BICRA: variants seen among roughly 807,000 people sequenced by gnomAD.
BICRA encodes BRD4-interacting chromatin-remodeling complex-associated protein.
Under a neutral mutation model 96.9 loss-of-function variants are expected in BICRA, and 31 were observed. That is an observed-to-expected ratio of 0.32 (90% CI 0.24 to 0.43). The LOEUF is 0.43. Ranked by LOEUF, BICRA falls within the 20% of genes least tolerant of loss-of-function variation. The probability of loss-of-function intolerance (pLI) is 1.00; values close to 1 mark genes in which losing one functional copy is unlikely to be tolerated. For synonymous variants in BICRA, 1,350 were observed against 1,071.8 expected (o/e 1.26, Z -5.07); for missense variants, 2,283 against 2,190.3 (o/e 1.04, Z -0.84).
At chr19:47,674,487 A>G (rs777787025) in intron 4 of BICRA, among the ~76,000 whole-genome samples, 7 of 152,168 alleles carry the variant, frequency 4.6e-5, no homozygotes, top group Non-Finnish European at 5.9e-5. Flanking sequence ...ATTAGTATCT[A>G]TGGCTGTGTA....
At position 47,680,325 on chromosome 19, in the gene BICRA, G is replaced by A. The variant is rs1370952863; in HGVS notation, c.1155G>A (p.Gly385=). The A allele has an allele frequency of 1.9e-6, 3 of 1,539,104 alleles. No homozygotes were observed. Among genetic ancestry groups the A allele is most frequent in the Non-Finnish European group, 8.7e-7 (1 of 1,149,714 alleles). The change falls in exon 6 of 15, where the codon GGG becomes GGA. Residue 385 remains glycine, a synonymous_variant. Transcript: ENST00000594866. ...CGCTCACCATCCAGGGCGAGCCGGG[G>A]GCGCTCCCGCAGCAGCCCAAGGCCC... ...GATLTIQGEP[G]ALPQQPKAPQ... is the part of the protein sequence containing the mutation.
intron 9 of BICRA, 46 bp from the exon 10 acceptor site, chr19:47,695,319 A>G: frequency 1.2e-6 from 1 of 813,006 alleles, no homozygotes; most frequent in South Asian, 1.5e-5. Context: ...GGGGGCCTTC[A>G]TGCAGTGACC....
At position 47,652,403 on chromosome 19, in the gene BICRA, G is replaced by T. The variant is rs1972553629; in HGVS notation, c.-107-18040G>T. ...AGGGTCTCACTATGCTGCCCAGGCT[G>T]GTCTCAAACTCCTGGGCCCAAGTGA... is the stretch of plus-strand genomic sequence containing the variant. On this transcript the variant is annotated intron_variant, in intron 1 of 14. Transcript: ENST00000594866. Among the ~76,000 whole-genome samples, 3 of 152,242 alleles carry T rather than the reference G, an allele frequency of 2.0e-5. No homozygotes were observed. The South Asian group carries it at 6.2e-4, about 32-fold the overall frequency.
intron 7 of BICRA, among the ~76,000 whole-genome samples, chr19:47,685,485 G>A (rs139994722): frequency 0.018 from 2,694 of 152,280 alleles, 35 homozygotes; most frequent in Non-Finnish European, 0.029. Context: ...CAGATGGATG[G>A]CTGAATAGAC....
intron 1 of BICRA, among the ~76,000 whole-genome samples, chr19:47,626,783 G>A (rs1298100101): frequency 2.1e-5 from 3 of 144,364 alleles, no homozygotes; most frequent in East Asian, 2.0e-4. Flanking sequence ...GTGCAATGGC[G>A]TGATCTCAGC....
Position 47,679,991 on chromosome 19 carries a change from C to T in BICRA, c.821C>T (p.Thr274Met). The T allele has an allele frequency of 3.4e-6, 5 of 1,482,788 alleles. No homozygotes were observed. Among genetic ancestry groups the T allele is most frequent in the Non-Finnish European group, 4.4e-6 (5 of 1,126,070 alleles). 91.9% of individuals were successfully genotyped at this position (1,482,788 alleles called of 1,614,324 possible). The change falls in exon 6 of 15, where the codon ACG becomes ATG. Residue 274 changes from threonine to methionine, a missense_variant. Coordinates refer to ENST00000594866, the MANE Select transcript of BICRA (RefSeq NM_001394372.1). The stretch of plus-strand genomic sequence containing the variant: ...GCGGCTGGCCCCTCGGAGCCCGTGA[C>T]GCTGGCGTCGGCCGGTGTCTCGCCA... Reference protein sequence around the residue: ...ASAAGPSEPVTLASAGVSPQG... With the variant: ...ASAAGPSEPVMLASAGVSPQG...
At position 47,679,593 on chromosome 19, in the gene BICRA, A is replaced by C. The variant is rs1972995911; in HGVS notation, c.423A>C (p.Ala141=). The C allele has an allele frequency of 6.5e-7, 1 of 1,535,270 alleles. No homozygotes were observed. The highest frequency in any genetic ancestry group is 8.8e-7 in the Non-Finnish European group (1 of 1,140,594). ...LPTLQPADGG[A]GPTGAGGAAA... ...CCCTGCAGCCTGCGGATGGCGGGGC[A>C]GGCCCGACGGGCGCTGGAGGGGCAG... The change falls in exon 6 of 15, where the codon GCA becomes GCC. Residue 141 remains alanine, a synonymous_variant. Transcript: ENST00000594866.
chr19:47,650,982 C>G (rs1469987230), intron 1 of BICRA, among the ~76,000 whole-genome samples: 2 of 152,284 alleles, frequency 1.3e-5, no homozygotes, highest in East Asian at 1.9e-4. Flanking sequence ...CTCTGCTGTT[C>G]CCTTACACTC....
At chr19:47,667,726 C>G (rs1314975389) in intron 1 of BICRA, among the ~76,000 whole-genome samples, 1 of 152,164 alleles carries the variant, frequency 6.6e-6, no homozygotes, top group Admixed American at 6.6e-5. Flanking sequence ...CCTTCCATGC[C>G]AGTCCCTTTA....
rs1007232254 is a variant in BICRA at position 47,673,498 on chromosome 19, G to T, written c.-5-72G>T. 6 of 1,234,040 alleles carry T rather than the reference G, an allele frequency of 4.9e-6. No individual in the cohort carries two copies. In the African/African-American group the frequency reaches 8.8e-5, roughly 18 times the overall value. The allele number at this position is 1,234,040 out of a possible 1,614,324, so 76.4% of individuals were successfully genotyped here. ...CCCCCTCCAGGGGGCTCCCCTGAAG[G>T]GAGGGGGCCAGGCAAGCTGCCAAAA... On this transcript the variant is annotated intron_variant, in intron 2 of 14. Coordinates refer to ENST00000594866, the MANE Select transcript of BICRA (RefSeq NM_001394372.1).
intron 1 of BICRA, among the ~76,000 whole-genome samples, chr19:47,610,608 A>ACCCCCCCCCC (rs35080234): frequency 7.4e-6 from 1 of 135,016 alleles, no homozygotes; most frequent in Non-Finnish European, 1.6e-5. Flanking sequence ...CCCTTTTGTC[A>ACCCCCCCCCC]CCCCCCCCCC....
chr19:47,673,492 C>A, intron 2 of BICRA, 78 bp from the exon 3 acceptor site: 1 of 1,191,806 alleles, frequency 8.4e-7, no homozygotes, highest in Non-Finnish European at 1.3e-6. Context: ...GGGGGCTCCC[C>A]TGAAGGGAGG....
Position 47,701,387 on chromosome 19 carries a change from C to T in BICRA, c.3655C>T (p.His1219Tyr). 6.2e-7 allele frequency: 1 copy of T among 1,608,698 alleles called. No homozygotes were observed. Among genetic ancestry groups the T allele is most frequent in the South Asian group, 1.1e-5 (1 of 90,298 alleles). Residue 1219 changes from histidine (H) to tyrosine (Y), a missense_variant, in exon 15 of 15, where the codon CAT becomes TAT. Physicochemically the swap from His to Tyr is moderately conservative, Grantham distance 83. Transcript: ENST00000594866. The surrounding 1 kb of genome is among the most constrained non-coding windows in gnomAD (Gnocchi z 5.4). ...GLPIAASSEG[H>Y]RLPGHGPLSS... The stretch of plus-strand genomic sequence containing the variant: ...CCCCATCGCAGCCTCTTCCGAGGGT[C>T]ATCGGCTTCCCGGCCACGGCCCCCT...
chr19:47,648,871 A>AGGC (rs1359921799), intron 1 of BICRA, among the ~76,000 whole-genome samples: 2 of 133,906 alleles, frequency 1.5e-5, no homozygotes, highest in Non-Finnish European at 3.2e-5. Flanking sequence ...TTTTTTTTTG[A>AGGC]GGCGGAGTCT....
intron 7 of BICRA, among the ~76,000 whole-genome samples, 194 bp from the exon 8 acceptor site, chr19:47,693,921 G>A (rs1428712721): frequency 6.6e-6 from 1 of 152,158 alleles, no homozygotes; most frequent in Non-Finnish European, 1.5e-5. Flanking sequence ...TCGAGGGCAG[G>A]TGGAGGGGGT....
rs376366227 is a variant in BICRA, at chr19:47,702,229, G to A, written c.4497G>A (p.Glu1499=). 8 of 1,599,192 alleles carry A rather than the reference G, an allele frequency of 5.0e-6. No homozygotes were observed. In the African/African-American group the frequency reaches 1.1e-4, roughly 22 times the overall value. ...SDSPQDDTLT[E]HLQSAIDSIL... The stretch of plus-strand genomic sequence containing the variant: ...GCCCGCAGGATGACACGCTCACCGA[G>A]CACCTGCAGAGCGCCATCGACAGCA... Residue 1499 remains glutamate, a synonymous_variant, in exon 15 of 15, where the codon GAG becomes GAA. Coordinates refer to ENST00000594866, the MANE Select transcript of BICRA (RefSeq NM_001394372.1).
At chr19:47,632,899 C>T (rs543092167) in intron 1 of BICRA, among the ~76,000 whole-genome samples, 2 of 152,022 alleles carry the variant, frequency 1.3e-5, no homozygotes, top group Admixed American at 6.6e-5. Context: ...CTCTGTTAGA[C>T]GAGGTTAAAT....
At chr19:47,690,842 T>C (rs908345385) in intron 7 of BICRA, among the ~76,000 whole-genome samples, 1 of 151,988 alleles carries the variant, frequency 6.6e-6, no homozygotes, top group Non-Finnish European at 1.5e-5. Flanking sequence ...TGAAATTAAA[T>C]TTTTTTAATT....
chr19:47,695,958 G>C (rs1218970994), intron 10 of BICRA, among the ~76,000 whole-genome samples: 1 of 152,062 alleles, frequency 6.6e-6, no homozygotes, highest in Non-Finnish European at 1.5e-5. Context: ...GAGAGGAGCA[G>C]GTGGGAGGAC....
Sources: allele counts gnomAD v4.1 joint callset (sites outside exome capture counted in the v4.1 genomes callset), GRCh38; gene constraint gnomAD v4.1.1; non-coding constraint Gnocchi (gnomAD v3.1); transcripts MANE v1.5; gene names NCBI Gene and HGNC (gene_info 2026-07-23, HGNC 2026-07-21).